The following ZCCHC24 variants were observed in gnomAD, a reference collection of about 807,000 sequenced individuals.
The protein encoded by ZCCHC24 is zinc finger CCHC-type containing 24, also known as zinc finger CCHC domain-containing protein 24.
Under a neutral mutation model 26.2 loss-of-function variants are expected in ZCCHC24, and 10 were observed. The observed-to-expected ratio is 0.38, with a 90% CI of 0.24 to 0.65. The LOEUF (loss-of-function observed/expected upper bound fraction) is 0.65, where lower values mean the gene tolerates loss of function less well. ZCCHC24 is among the 30% of genes least tolerant of loss of function. The pLI, the probability that ZCCHC24 is intolerant of heterozygous loss-of-function variation, is 0.54. For missense variants in ZCCHC24, 243 were observed against 329.1 expected, an observed-to-expected ratio of 0.74 and a Z score of 2.03; for synonymous variants, 144 against 147.1, an observed-to-expected ratio of 0.98 and a Z score of 0.15.
chr10:79,404,768 A>T (rs1856687605), intron 2 of ZCCHC24, among the ~76,000 whole-genome samples: 1 of 152,216 alleles, frequency 6.6e-6, no homozygotes, highest in Non-Finnish European at 1.5e-5. Flanking sequence ...GCCTCACCGC[A>T]GAGCTGAGAT....
intron 2 of ZCCHC24, among the ~76,000 whole-genome samples, chr10:79,420,640 G>A (rs1268754430): frequency 6.6e-6 from 1 of 152,152 alleles, no homozygotes; most frequent in Non-Finnish European, 1.5e-5. Flanking sequence ...TTAGCCTAGT[G>A]TGGTGGTTCA....
At chr10:79,417,746 G>T (rs1856883662) in intron 2 of ZCCHC24, among the ~76,000 whole-genome samples, 1 of 152,236 alleles carries the variant, frequency 6.6e-6, no homozygotes, top group Admixed American at 6.5e-5. Context: ...AGCCAGGCAT[G>T]AGGAAGGCCT....
chr10:79,435,993 G>C (rs907922770), intron 1 of ZCCHC24, among the ~76,000 whole-genome samples: 2 of 152,212 alleles, frequency 1.3e-5, no homozygotes, highest in African/African-American at 2.4e-5. Context: ...GAGCGGGGAA[G>C]GGGGAAGAAG....
At chr10:79,400,549 C>T (rs923993100) in intron 2 of ZCCHC24, among the ~76,000 whole-genome samples, 4 of 152,274 alleles carry the variant, frequency 2.6e-5, no homozygotes, top group Non-Finnish European at 5.9e-5. Flanking sequence ...CTTACTTCTG[C>T]AGCTTATGCT....
At chr10:79,392,309 G>T (rs1336896598) in intron 3 of ZCCHC24, among the ~76,000 whole-genome samples, 2 of 152,122 alleles carry the variant, frequency 1.3e-5, no homozygotes, top group Non-Finnish European at 2.9e-5. Flanking sequence ...CTGGGATGCG[G>T]CTGGGTGGTC....
intron 1 of ZCCHC24, among the ~76,000 whole-genome samples, chr10:79,442,695 C>T (rs2132227185): frequency 6.6e-6 from 1 of 152,334 alleles, no homozygotes; most frequent in East Asian, 1.9e-4. Flanking sequence ...CTCCGGCCCA[C>T]ACACGACTTG....
At chr10:79,444,123 G>C in intron 1 of ZCCHC24, 1 of 1,545,906 alleles carries the variant, frequency 6.5e-7, no homozygotes, top group Non-Finnish European at 8.7e-7. Context: ...GGTCTGGAAG[G>C]AAAGTGACCC....
intron 3 of ZCCHC24, among the ~76,000 whole-genome samples, chr10:79,388,344 G>A (rs535534500): frequency 2.4e-3 from 358 of 152,308 alleles, no homozygotes; most frequent in Non-Finnish European, 3.9e-3. Flanking sequence ...CACGTTCCCT[G>A]CTTTCCTGGA....
Position 79,386,212 on chromosome 10 carries a change from C to CT in ZCCHC24, c.*132_*133insA. On this transcript the variant is annotated 3_prime_UTR_variant, in exon 4 of 4. Transcript: ENST00000372336. ...ACACACAAGACAAGGACGCTAAGAG[C>CT]CCCCGGCCCAGCCCCGCAGGCCTGC... 1.3e-6 allele frequency: 1 copy of CT among 741,880 alleles called. No homozygotes were observed. The highest frequency in any genetic ancestry group is 2.7e-5 in the East Asian group (1 of 36,834). The allele number at this position is 741,880 out of a possible 1,614,324, so 46.0% of individuals were successfully genotyped here. A position where few individuals can be genotyped will look rare whatever the true frequency, so the allele number is the denominator to read the frequency against.
intron 2 of ZCCHC24, among the ~76,000 whole-genome samples, chr10:79,430,684 CACCA>C (rs1453756523): frequency 3.0e-5 from 3 of 101,298 alleles, no homozygotes; most frequent in South Asian, 3.7e-4. Context: ...CACACACACA[CACCA>C]CACACACACA....
At chr10:79,397,983 A>G (rs2132181242) in intron 2 of ZCCHC24, among the ~76,000 whole-genome samples, 1 of 152,352 alleles carries the variant, frequency 6.6e-6, no homozygotes, top group East Asian at 1.9e-4. Context: ...GGAAGATGAA[A>G]GAGAAGAGCG....
chr10:79,398,701 G>GAAAGAGGAAAGA (rs1856581850), intron 2 of ZCCHC24, among the ~76,000 whole-genome samples: 2 of 152,172 alleles, frequency 1.3e-5, no homozygotes, highest in Admixed American at 1.3e-4. Context: ...GAAGCTCTGG[G>GAAAGAGGAAAGA]GACACTGCTG....
chr10:79,388,468 G>T (rs986085118), intron 3 of ZCCHC24, among the ~76,000 whole-genome samples: 3 of 152,218 alleles, frequency 2.0e-5, no homozygotes, highest in Non-Finnish European at 4.4e-5. Context: ...ACTGTAAGAA[G>T]ACTTCCCACC....
chr10:79,416,973 C>G (rs1042942239), intron 2 of ZCCHC24, among the ~76,000 whole-genome samples: 3 of 152,230 alleles, frequency 2.0e-5, no homozygotes, highest in Non-Finnish European at 2.9e-5. Flanking sequence ...AGAGTGGGCA[C>G]CACGGCAGAC....
intron 1 of ZCCHC24, among the ~76,000 whole-genome samples, chr10:79,436,331 C>T (rs1254674043): frequency 6.6e-6 from 1 of 152,208 alleles, no homozygotes; most frequent in Non-Finnish European, 1.5e-5. Flanking sequence ...GGGTTGTGGC[C>T]TTGACCTCAT....
At chr10:79,398,107 T>C (rs1333794969) in intron 2 of ZCCHC24, among the ~76,000 whole-genome samples, 1 of 152,210 alleles carries the variant, frequency 6.6e-6, no homozygotes, top group Non-Finnish European at 1.5e-5. Flanking sequence ...CCCAGCCTCC[T>C]GCAGGACCAG....
At chr10:79,421,372 C>T (rs1014183509) in intron 2 of ZCCHC24, among the ~76,000 whole-genome samples, 4 of 152,072 alleles carry the variant, frequency 2.6e-5, no homozygotes, top group Admixed American at 6.6e-5. Context: ...TGCCCTAGGC[C>T]CAGTCCTTCC....
At chr10:79,392,106 G>A (rs1327867929) in intron 3 of ZCCHC24, among the ~76,000 whole-genome samples, 1 of 151,906 alleles carries the variant, frequency 6.6e-6, no homozygotes, top group African/African-American at 2.4e-5. Context: ...GATGAAGCAC[G>A]GTCATCATAC....
At chr10:79,410,000 G>A (rs547183803) in intron 2 of ZCCHC24, among the ~76,000 whole-genome samples, 18 of 152,324 alleles carry the variant, frequency 1.2e-4, no homozygotes, top group Middle Eastern at 3.4e-3. Context: ...TCCCCTCCCA[G>A]CCAACTCTCC....
Sources: allele counts gnomAD v4.1 joint callset (sites outside exome capture counted in the v4.1 genomes callset), GRCh38; gene constraint gnomAD v4.1.1; transcripts MANE v1.5; gene names NCBI Gene and HGNC (gene_info 2026-07-23, HGNC 2026-07-21).